CACNA2D3: variants seen among roughly 807,000 people sequenced by gnomAD.
The protein encoded by CACNA2D3 is voltage-dependent calcium channel subunit alpha-2/delta-3.
CACNA2D3 carries 60 observed loss-of-function variants against 160.6 expected under a neutral mutation model. That is an observed-to-expected ratio of 0.37 (90% CI 0.30 to 0.46). The LOEUF is 0.46. CACNA2D3 is among the 20% of genes least tolerant of loss of function. CACNA2D3 has a pLI of 1.00. For synonymous variants in CACNA2D3, 558 were observed against 492.9 expected (o/e 1.13, Z -1.75); for missense variants, 1,205 against 1,365.0 (o/e 0.88, Z 1.85).
chr3:54,866,084 A>T (rs1199582468), intron 17 of CACNA2D3, among the ~76,000 whole-genome samples: 1 of 152,220 alleles, frequency 6.6e-6, no homozygotes, highest in African/African-American at 2.4e-5. Context: ...TGGGATCAAG[A>T]ACATGAGGGT....
intron 2 of CACNA2D3, among the ~76,000 whole-genome samples, chr3:54,276,602 AAGAG>A (rs1473996883): frequency 1.9e-4 from 28 of 151,326 alleles, no homozygotes; most frequent in Admixed American, 4.6e-4. Context: ...AAGAAGAAGA[AAGAG>A]AGAGCCATTA....
intron 5 of CACNA2D3, among the ~76,000 whole-genome samples, chr3:54,531,084 A>G (rs901180562): frequency 6.6e-6 from 1 of 152,254 alleles, no homozygotes; most frequent in African/African-American, 2.4e-5. Context: ...GGCAACTGCC[A>G]TGGCTTTTAA....
intron 11 of CACNA2D3, among the ~76,000 whole-genome samples, chr3:54,660,363 T>C (rs1699946463): frequency 6.6e-6 from 1 of 152,068 alleles, no homozygotes; most frequent in Non-Finnish European, 1.5e-5. Context: ...GGTTTCACCG[T>C]ATTAGCCAGG....
At chr3:54,956,098 C>A (rs1467633064) in intron 27 of CACNA2D3, among the ~76,000 whole-genome samples, 1 of 152,210 alleles carries the variant, frequency 6.6e-6, no homozygotes, top group Non-Finnish European at 1.5e-5. Flanking sequence ...CTCATAATCA[C>A]CTCATGTGCA....
chr3:54,634,988 C>T (rs944811914), intron 10 of CACNA2D3, among the ~76,000 whole-genome samples: 2 of 151,696 alleles, frequency 1.3e-5, no homozygotes, highest in Non-Finnish European at 1.5e-5. Flanking sequence ...AGTGTTGGGG[C>T]GGGGAAAATT....
intron 27 of CACNA2D3, among the ~76,000 whole-genome samples, chr3:54,901,683 G>A (rs965831091): frequency 2.0e-5 from 3 of 152,188 alleles, no homozygotes; most frequent in Non-Finnish European, 2.9e-5. Context: ...AAGAAGCAAG[G>A]TCATTTAAAG....
chr3:54,190,694 ATC>A (rs1272466955), intron 2 of CACNA2D3, among the ~76,000 whole-genome samples: 1 of 152,100 alleles, frequency 6.6e-6, no homozygotes, highest in East Asian at 1.9e-4. Context: ...GAGAAAGTAA[ATC>A]TCTTTTTTTC....
At chr3:54,641,996 T>C (rs570576160) in intron 10 of CACNA2D3, 132 bp from the exon 11 acceptor site, 232 of 522,870 alleles carry the variant, frequency 4.4e-4, no homozygotes, top group Non-Finnish European at 6.6e-4. Context: ...TTTGTATAGG[T>C]TGTTTTGGTG....
intron 4 of CACNA2D3, among the ~76,000 whole-genome samples, chr3:54,407,000 A>G (rs964892908): frequency 6.6e-6 from 1 of 152,236 alleles, no homozygotes; most frequent in Admixed American, 6.5e-5. Context: ...ACCTACTTCT[A>G]CAGAATTTTT....
intron 2 of CACNA2D3, among the ~76,000 whole-genome samples, chr3:54,212,093 T>C (rs145956057): frequency 1.1e-3 from 161 of 152,284 alleles, no homozygotes; most frequent in African/African-American, 3.7e-3. Context: ...AGTTACTAGT[T>C]TAGAGTTGTG....
intron 11 of CACNA2D3, among the ~76,000 whole-genome samples, chr3:54,733,104 A>G (rs764227191): frequency 3.3e-5 from 5 of 152,200 alleles, no homozygotes; most frequent in Admixed American, 6.5e-5. Context: ...TAGGTGGGAC[A>G]CTTGCACTTT....
At chr3:54,464,859 T>C (rs1333164594) in intron 4 of CACNA2D3, among the ~76,000 whole-genome samples, 16 of 152,196 alleles carry the variant, frequency 1.1e-4, no homozygotes, top group Admixed American at 1.0e-3. Context: ...ATCACCCCTC[T>C]TCTGCGTCGC....
At chr3:54,254,163 A>G (rs1056215052) in intron 2 of CACNA2D3, among the ~76,000 whole-genome samples, 2 of 152,212 alleles carry the variant, frequency 1.3e-5, no homozygotes, top group Admixed American at 6.5e-5. Flanking sequence ...TGATGCTCAT[A>G]GAGACCACTT....
intron 35 of CACNA2D3, among the ~76,000 whole-genome samples, chr3:55,031,876 T>A (rs1703696826): frequency 6.6e-6 from 1 of 152,174 alleles, no homozygotes; most frequent in Non-Finnish European, 1.5e-5. Flanking sequence ...CAGGATAAAA[T>A]CATTGTATCA....
chr3:54,775,743 A>G (rs1702413833), intron 13 of CACNA2D3, among the ~76,000 whole-genome samples: 1 of 152,078 alleles, frequency 6.6e-6, no homozygotes. Flanking sequence ...TCTGATGATC[A>G]AACACTGGCT....
intron 2 of CACNA2D3, among the ~76,000 whole-genome samples, chr3:54,317,618 A>G (rs1304945588): frequency 6.6e-6 from 1 of 152,158 alleles, no homozygotes; most frequent in Non-Finnish European, 1.5e-5. Flanking sequence ...GCTCACTGCA[A>G]TATCCGCCTC....
At position 54,973,632 on chromosome 3, in the gene CACNA2D3, G is replaced by A. The variant is rs115119824; in HGVS notation, c.2556+3788G>A. ...AAGGGCTGCCTCCAGGCAGCCAGGCGCCTGCCTGCATGTTGGACTGCCCAC... is the reference window on the plus strand; with the variant it reads ...AAGGGCTGCCTCCAGGCAGCCAGGCACCTGCCTGCATGTTGGACTGCCCAC... On this transcript the variant is annotated intron_variant, in intron 29 of 37. Coordinates refer to ENST00000474759, the MANE Select transcript of CACNA2D3 (RefSeq NM_018398.3). 8.7e-3 allele frequency among the ~76,000 whole-genome samples: 1,321 copies of A among 152,246 alleles called. 9 individuals carry two copies. Among genetic ancestry groups the A allele is most frequent in the Non-Finnish European group, 0.014 (955 of 68,006 alleles).
intron 4 of CACNA2D3, among the ~76,000 whole-genome samples, chr3:54,501,449 C>A (rs1473005954): frequency 6.6e-6 from 1 of 150,774 alleles, no homozygotes; most frequent in African/African-American, 2.4e-5. Context: ...CTCTGTCACC[C>A]AGGCTAGAGT....
At chr3:54,290,950 T>C (rs1176649408) in intron 2 of CACNA2D3, among the ~76,000 whole-genome samples, 1 of 152,162 alleles carries the variant, frequency 6.6e-6, no homozygotes, top group Non-Finnish European at 1.5e-5. Context: ...GAGATATACC[T>C]AATGCTAAAT....
Sources: allele counts gnomAD v4.1 joint callset (sites outside exome capture counted in the v4.1 genomes callset), GRCh38; gene constraint gnomAD v4.1.1; transcripts MANE v1.5; gene names NCBI Gene and HGNC (gene_info 2026-07-23, HGNC 2026-07-21).